The following TMEM63C variants were observed in gnomAD, a reference collection of about 807,000 sequenced individuals.
The protein encoded by TMEM63C is transmembrane protein 63C, also known as osmosensitive cation channel TMEM63C.
A neutral mutation model predicts 99.2 loss-of-function variants in TMEM63C; 32 were observed. The ratio of observed to expected loss-of-function variants is 0.32; its 90% CI spans 0.24 to 0.43. The LOEUF (loss-of-function observed/expected upper bound fraction) is 0.43. TMEM63C is among the 20% of genes least tolerant of loss of function. The pLI, the probability that TMEM63C is intolerant of heterozygous loss-of-function variation, is 1.00. For synonymous variants in TMEM63C, 376 were observed against 397.9 expected (o/e 0.94, Z 0.66); for missense variants, 826 against 1,053.0 (o/e 0.78, Z 2.98).
At chr14:77,237,023 G>A (rs1482985340) in intron 9 of TMEM63C, among the ~76,000 whole-genome samples, 5 of 103,252 alleles carry the variant, frequency 4.8e-5, no homozygotes, top group Non-Finnish European at 9.6e-5. Flanking sequence ...ACCCTCTCAC[G>A]CTCCTCCACC....
intron 10 of TMEM63C, 79 bp from the exon 11 acceptor site, chr14:77,239,333 C>T (rs1309744807): frequency 3.4e-6 from 5 of 1,472,114 alleles, no homozygotes; most frequent in Non-Finnish European, 4.7e-6. Context: ...GCCCTCAGGG[C>T]CGACATGCTG....
At chr14:77,191,516 C>CT (rs1888105649) in intron 1 of TMEM63C, among the ~76,000 whole-genome samples, 1 of 115,508 alleles carries the variant, frequency 8.7e-6, no homozygotes, top group African/African-American at 3.1e-5. Flanking sequence ...TTTTTCTTTT[C>CT]TTTCTTTTCT....
Position 77,238,780 on chromosome 14 carries a change from G to GGGTA in TMEM63C, c.725+16_725+19dup. 3 of 1,611,796 alleles carry GGGTA rather than the reference G, an allele frequency of 1.9e-6. No individual in the cohort carries two copies. Among genetic ancestry groups the GGGTA allele is most frequent in the Non-Finnish European group, 2.5e-6 (3 of 1,177,954 alleles). ...TTAAGCATTTTCAGTAAGTGGGTTG[G>GGGTA]GGTAGGCCAAGGCGTGGATTGCTTC... On this transcript the variant is annotated intron_variant, in intron 10 of 23. Transcript: ENST00000298351.
chr14:77,222,846 A>C (rs1226505210), intron 5 of TMEM63C, among the ~76,000 whole-genome samples: 1 of 152,202 alleles, frequency 6.6e-6, no homozygotes, highest in African/African-American at 2.4e-5. Flanking sequence ...CCTTTTCTTC[A>C]ACATTTTTAA....
intron 5 of TMEM63C, among the ~76,000 whole-genome samples, chr14:77,221,663 A>C (rs1442638592): frequency 3.5e-4 from 18 of 51,874 alleles, no homozygotes; most frequent in African/African-American, 4.6e-4. Context: ...CCTCCCACCC[A>C]CGCCTCCTCT....
At chr14:77,190,465 C>A in intron 1 of TMEM63C, among the ~76,000 whole-genome samples, 1 of 151,986 alleles carries the variant, frequency 6.6e-6, no homozygotes, top group East Asian at 1.9e-4. Flanking sequence ...ACAAAGATAG[C>A]ACAAAAAGAG....
chr14:77,247,546 T>C (rs1314760974), intron 18 of TMEM63C, among the ~76,000 whole-genome samples: 1 of 152,204 alleles, frequency 6.6e-6, no homozygotes, highest in African/African-American at 2.4e-5. Context: ...CATTTTACTG[T>C]CTTAAAAACA....
At chr14:77,187,435 C>T (rs971428900) in intron 1 of TMEM63C, among the ~76,000 whole-genome samples, 6 of 152,216 alleles carry the variant, frequency 3.9e-5, no homozygotes, top group Non-Finnish European at 5.9e-5. Flanking sequence ...ATTCCCACCC[C>T]GCCCCCACCA....
At chr14:77,222,893 C>G (rs1450945173) in intron 5 of TMEM63C, among the ~76,000 whole-genome samples, 1 of 152,250 alleles carries the variant, frequency 6.6e-6, no homozygotes, top group Non-Finnish European at 1.5e-5. Flanking sequence ...CAAGATCAGT[C>G]TAGTGTGTCT....
intron 1 of TMEM63C, among the ~76,000 whole-genome samples, chr14:77,203,830 G>T (rs1307401259): frequency 2.0e-5 from 3 of 152,268 alleles, no homozygotes; most frequent in African/African-American, 7.2e-5. Context: ...AGGAGGTGGG[G>T]TGTGATGGCC....
At position 77,233,609 on chromosome 14, in the gene TMEM63C, G is replaced by A. The variant is rs891563452; in HGVS notation, c.542+109G>A. 17 of 1,186,090 alleles carry A rather than the reference G, an allele frequency of 1.4e-5. No homozygotes were observed. In the African/African-American group the frequency reaches 1.7e-4, roughly 12 times the overall value. The allele number at this position is 1,186,090 out of a possible 1,614,324, so 73.5% of individuals were successfully genotyped here. A position where few individuals can be genotyped will look rare whatever the true frequency, so the allele number is the denominator to read the frequency against. On this transcript the variant is annotated intron_variant, in intron 8 of 23. Coordinates refer to ENST00000298351, the MANE Select transcript of TMEM63C (RefSeq NM_020431.4). ...GGGCAGCGTTTTGCTGATAAGAAAG[G>A]CCTGGTTTCCCTGGGAATCGGGTCC...
chr14:77,222,211 C>T (rs1422183493), intron 5 of TMEM63C, among the ~76,000 whole-genome samples: 2 of 152,226 alleles, frequency 1.3e-5, no homozygotes, highest in Non-Finnish European at 2.9e-5. Flanking sequence ...TATCCCACCA[C>T]ACACCCACCT....
intron 23 of TMEM63C, among the ~76,000 whole-genome samples, chr14:77,255,708 A>T (rs950238526): frequency 2.0e-5 from 3 of 152,254 alleles, no homozygotes; most frequent in African/African-American, 7.2e-5. Context: ...TTCATTAATG[A>T]TGCCGTCATG....
At chr14:77,193,260 A>G (rs566851069) in intron 1 of TMEM63C, among the ~76,000 whole-genome samples, 3 of 152,334 alleles carry the variant, frequency 2.0e-5, no homozygotes, top group Admixed American at 6.5e-5. Flanking sequence ...GATAATGCAC[A>G]CTTGTGAGGG....
Position 77,242,923 on chromosome 14 carries a change from G to A in TMEM63C, c.1208G>A (p.Arg403His), listed in dbSNP as rs369601825. ...CCCAGGAAACACCTGTCTGTCCGCC[G>A]CTTCTTTTGGTGGGCCCGCTTTATC... ...DIIWKHLSVRRFFWWARFIAI... is the reference protein window; with the variant it reads ...DIIWKHLSVRHFFWWARFIAI... Residue 403 changes from arginine (R) to histidine (H), a missense_variant, in exon 15 of 24, where the codon CGC (arginine) becomes CAC (histidine). Arg to His is a conservative substitution (Grantham distance 29, BLOSUM62 0). Transcript: ENST00000298351. 1.1e-4 allele frequency: 178 copies of A among 1,614,008 alleles called. No homozygotes were observed. The highest frequency in any genetic ancestry group is 9.0e-4 in the South Asian group (82 of 91,082).
At chr14:77,205,188 G>T (rs1329541369) in intron 1 of TMEM63C, among the ~76,000 whole-genome samples, 1 of 152,204 alleles carries the variant, frequency 6.6e-6, no homozygotes, top group Non-Finnish European at 1.5e-5. Context: ...TGGAAGTGAG[G>T]GGGAAGTTTG....
At chr14:77,219,643 C>A in intron 4 of TMEM63C, 66 bp downstream of exon 4, 1 of 1,537,124 alleles carries the variant, frequency 6.5e-7, no homozygotes, top group African/African-American at 1.4e-5. Flanking sequence ...ATGGCCAGGA[C>A]GCAGCTCTGC....
At chr14:77,225,606 A>G in intron 6 of TMEM63C, 145 bp downstream of exon 6, 2 of 763,764 alleles carry the variant, frequency 2.6e-6, no homozygotes, top group South Asian at 2.0e-5. Flanking sequence ...ATTACCAGTG[A>G]AGGATGCTTT....
At chr14:77,198,129 A>G (rs952511698) in intron 1 of TMEM63C, among the ~76,000 whole-genome samples, 1 of 152,264 alleles carries the variant, frequency 6.6e-6, no homozygotes. Flanking sequence ...GACCGCAGTT[A>G]TAATGTGTAC....
Sources: allele counts gnomAD v4.1 joint callset (sites outside exome capture counted in the v4.1 genomes callset), GRCh38; gene constraint gnomAD v4.1.1; transcripts MANE v1.5; gene names NCBI Gene and HGNC (gene_info 2026-07-23, HGNC 2026-07-21).